The following KIAA0319 variants were observed in gnomAD, a reference collection of about 807,000 sequenced individuals.
The protein encoded by KIAA0319 is KIAA0319.
In KIAA0319, 83 loss-of-function variants were observed where a neutral mutation model predicts 108.4. That is an observed-to-expected ratio of 0.77 (90% CI 0.64 to 0.92). KIAA0319 has a LOEUF of 0.92. KIAA0319 is among the 40% of genes least tolerant of loss of function. The pLI, the probability that KIAA0319 is intolerant of heterozygous loss-of-function variation, is 0.00. For synonymous variants in KIAA0319, 484 were observed against 510.4 expected (o/e 0.95, Z 0.70); for missense variants, 1,195 against 1,322.4 (o/e 0.90, Z 1.49).
intron 10 of KIAA0319, among the ~76,000 whole-genome samples, chr6:24,575,990 G>A (rs754540631): frequency 8.5e-5 from 13 of 152,164 alleles, no homozygotes; most frequent in Non-Finnish European, 1.9e-4. Flanking sequence ...AGATAACATG[G>A]AGTTTCTATA....
rs1371773924 is a variant in KIAA0319 at position 24,630,675 on chromosome 6, G to GTA, written c.-106+15059_-106+15060dup. On this transcript the variant is annotated intron_variant, in intron 1 of 20. Transcript: ENST00000378214. Reference sequence around the variant, plus strand: ...TCTCGTTCCATTTATTCAATTGTGTGTATATGTGTATATATATATATATAT... The same window carrying GTA: ...TCTCGTTCCATTTATTCAATTGTGTGTATATATGTGTATATATATATATATAT... Among the ~76,000 whole-genome samples, 5 of 103,492 alleles carry GTA rather than the reference G, an allele frequency of 4.8e-5. No homozygotes were observed. In the Admixed American group the frequency reaches 5.8e-4, roughly 12 times the overall value. The allele number at this position is 103,492 out of a possible 152,430, so 67.9% of individuals were successfully genotyped here.
chr6:24,610,814 G>T (rs1366836683), intron 1 of KIAA0319, among the ~76,000 whole-genome samples: 1 of 151,930 alleles, frequency 6.6e-6, no homozygotes, highest in African/African-American at 2.4e-5. Context: ...GTTCATAATA[G>T]CCAAAAAGTA....
chr6:24,624,028 T>TTC (rs1774358241), intron 1 of KIAA0319, among the ~76,000 whole-genome samples: 1 of 140,534 alleles, frequency 7.1e-6, no homozygotes, highest in South Asian at 2.3e-4. Flanking sequence ...TTTTTTTTTT[T>TTC]TTTTTTTTTT....
chr6:24,594,823 T>A (rs926344371), intron 3 of KIAA0319, among the ~76,000 whole-genome samples: 1 of 152,166 alleles, frequency 6.6e-6, no homozygotes, highest in Non-Finnish European at 1.5e-5. Context: ...GCTTTTTTTT[T>A]ACTTTATTTC....
At chr6:24,592,588 G>A (rs898565496) in intron 3 of KIAA0319, among the ~76,000 whole-genome samples, 1 of 152,100 alleles carries the variant, frequency 6.6e-6, no homozygotes, top group East Asian at 1.9e-4. Context: ...TTCTTATTAT[G>A]CTATGCATGT....
intron 8 of KIAA0319, 61 bp from the exon 9 acceptor site, chr6:24,578,303 T>G (rs549916292): frequency 7.9e-7 from 1 of 1,260,546 alleles, no homozygotes; most frequent in South Asian, 1.4e-5. Context: ...ATAAGTTTTA[T>G]ACTTTAATTA....
In KIAA0319 at chr6:24,576,487, T is replaced by C; in HGVS notation, c.1615A>G (p.Ile539Val). The C allele has an allele frequency of 6.2e-7, 1 of 1,614,110 alleles. No homozygotes were observed. Among genetic ancestry groups the C allele is most frequent in the Non-Finnish European group, 8.5e-7 (1 of 1,179,994 alleles). Reference sequence around the variant, plus strand: ...GTGATGGAGTTTTGGGGCAAAGTTATGGTGTGATTTGGTCCTGCATTAGCA... The same window carrying C: ...GTGATGGAGTTTTGGGGCAAAGTTACGGTGTGATTTGGTCCTGCATTAGCA... ...PVANAGPNHT[I>V]TLPQNSITLN... The change falls in exon 10 of 21, where the codon ATA (isoleucine) becomes GTA (valine). Residue 539 changes from isoleucine (I) to valine (V), a missense_variant. Coordinates refer to ENST00000378214, the MANE Select transcript of KIAA0319 (RefSeq NM_014809.4).
downstream of KIAA0319, among the ~76,000 whole-genome samples, chr6:24,542,431 AAAAT>A (rs142061047): frequency 0.021 from 3,216 of 152,328 alleles, 50 homozygotes; most frequent in South Asian, 0.049. Flanking sequence ...GCCTAAATTT[AAAAT>A]AGACCTAAGT....
intron 4 of KIAA0319, among the ~76,000 whole-genome samples, chr6:24,586,281 T>C (rs1030363270): frequency 6.6e-6 from 1 of 152,148 alleles, no homozygotes; most frequent in African/African-American, 2.4e-5. Context: ...TATAACTCTT[T>C]TATACAAGGA....
chr6:24,579,290 T>C (rs938442695), intron 8 of KIAA0319, among the ~76,000 whole-genome samples: 3 of 151,788 alleles, frequency 2.0e-5, no homozygotes, highest in Non-Finnish European at 2.9e-5. Context: ...GAATGAATTT[T>C]AAAAAACCAC....
At chr6:24,580,889 A>AT in intron 7 of KIAA0319, 37 bp downstream of exon 7, 1 of 1,368,060 alleles carries the variant, frequency 7.3e-7, no homozygotes, top group South Asian at 1.2e-5. Context: ...TGAGATAAAT[A>AT]TGTACAACAG....
chr6:24,558,909 A>T, intron 17 of KIAA0319, 104 bp downstream of exon 17: 1 of 1,130,472 alleles, frequency 8.8e-7, no homozygotes, highest in Non-Finnish European at 1.2e-6. Context: ...AAGTCCCTGG[A>T]TGCTAAAGTG....
intron 1 of KIAA0319, among the ~76,000 whole-genome samples, chr6:24,601,905 G>A (rs1352264490): frequency 1.3e-5 from 2 of 152,166 alleles, no homozygotes; most frequent in Non-Finnish European, 2.9e-5. Flanking sequence ...CCGGGCTGTG[G>A]ATTGTCGGTC....
rs535244046 is a variant in KIAA0319 at position 24,599,921 on chromosome 6, C to G, written c.55+1128G>C. ...GCTCAGCGCTCGCCCTCAGCCGACCCGCGGGAGAGTTCACTGCCTGGGGTA... is the reference window on the plus strand; with the variant it reads ...GCTCAGCGCTCGCCCTCAGCCGACCGGCGGGAGAGTTCACTGCCTGGGGTA... On this transcript the variant is annotated intron_variant, in intron 2 of 20. Coordinates refer to ENST00000378214, the MANE Select transcript of KIAA0319 (RefSeq NM_014809.4). The surrounding 1 kb of genome is among the most constrained non-coding windows in gnomAD (Gnocchi z 4.1). 9 of 264,460 alleles carry G rather than the reference C, an allele frequency of 3.4e-5. No individual in the cohort carries two copies. The highest frequency in any genetic ancestry group is 1.1e-4 in the East Asian group (1 of 8,788). The allele number at this position is 264,460 out of a possible 1,614,324, so 16.4% of individuals were successfully genotyped here.
chr6:24,543,140 C>T (rs1235475054), downstream of KIAA0319, among the ~76,000 whole-genome samples: 2 of 152,172 alleles, frequency 1.3e-5, no homozygotes, highest in Non-Finnish European at 2.9e-5. Flanking sequence ...AACTTCTGTT[C>T]ACAGTTGCTA....
Position 24,568,846 on chromosome 6 carries a change from CG to C in KIAA0319, c.2074del (p.Arg692ValfsTer2). The C allele has an allele frequency of 3.7e-6, 6 of 1,614,136 alleles. No homozygotes were observed. The highest frequency in any genetic ancestry group is 1.7e-5 in the Admixed American group (1 of 60,018). ...TGLQVGTYHF[R>X]LTVKDQQGLS... ...TCCCTGCTGGTCTTTCACTGTCAAA[CG>C]GAAGTGGTAGGTCCCCACCTGGAGA... On this transcript the variant is annotated frameshift_variant, in exon 13 of 21. Transcript: ENST00000378214. LOFTEE classifies it high-confidence loss of function.
chr6:24,564,971 G>C (rs1426295335), intron 14 of KIAA0319, among the ~76,000 whole-genome samples: 3 of 152,160 alleles, frequency 2.0e-5, no homozygotes, highest in African/African-American at 7.2e-5. Flanking sequence ...CATTTGGCAG[G>C]GCATGGTGGC....
At chr6:24,569,282 A>G (rs994761105) in intron 12 of KIAA0319, among the ~76,000 whole-genome samples, 20 of 152,202 alleles carry the variant, frequency 1.3e-4, no homozygotes, top group African/African-American at 4.6e-4. Context: ...TAGGGAGAGC[A>G]TGGAAGAGGA....
At chr6:24,560,185 G>T (rs1449573364) in intron 16 of KIAA0319, among the ~76,000 whole-genome samples, 1 of 152,164 alleles carries the variant, frequency 6.6e-6, no homozygotes, top group Non-Finnish European at 1.5e-5. Context: ...TTTCTGTGTA[G>T]ACATAAGTTT....
Sources: gnomAD v4.1 joint callset for allele counts (sites outside exome capture counted in the v4.1 genomes callset) on GRCh38, gnomAD v4.1.1 for gene constraint, Gnocchi (gnomAD v3.1) non-coding constraint, MANE v1.5 for transcripts, NCBI Gene and HGNC (gene_info 2026-07-23, HGNC 2026-07-21) for gene names.